The following TMEM50B variants were observed in gnomAD, a reference collection of about 807,000 sequenced individuals.
TMEM50B encodes the protein transmembrane protein 50B.
TMEM50B carries 14 observed loss-of-function variants against 23.4 expected under a neutral mutation model. The observed-to-expected ratio is 0.60, with a 90% CI of 0.39 to 0.93. The LOEUF (loss-of-function observed/expected upper bound fraction) is 0.93, where lower values mean the gene tolerates loss of function less well. Ranked by LOEUF, TMEM50B falls within the 40% of genes least tolerant of loss-of-function variation. TMEM50B has a pLI of 0.00. For missense variants in TMEM50B, 159 were observed against 193.0 expected (o/e 0.82, Z 1.04); for synonymous variants, 64 against 62.3 (o/e 1.03, Z -0.13).
At chr21:33,445,495 C>T (rs2084044827), downstream of TMEM50B, among the ~76,000 whole-genome samples, 1 of 152,270 alleles carries the variant, frequency 6.6e-6, no homozygotes, top group African/African-American at 2.4e-5. Context: ...AAGGAAACAT[C>T]CCTTCAAAAG....
At chr21:33,434,780 T>C (rs116816171) in intron 8 of TMEM50B, among the ~76,000 whole-genome samples, 39 of 152,266 alleles carry the variant, frequency 2.6e-4, no homozygotes, top group East Asian at 1.5e-3. Flanking sequence ...CTGGTTAATA[T>C]TGTCACAAAA....
At chr21:33,462,609 C>T (rs1339636430) in intron 4 of TMEM50B, among the ~76,000 whole-genome samples, 2 of 151,858 alleles carry the variant, frequency 1.3e-5, no homozygotes, top group Non-Finnish European at 2.9e-5. Flanking sequence ...GAGTTCAAGG[C>T]TTTTCTGCGT....
At chr21:33,455,586 G>A (rs2084161598) in intron 6 of TMEM50B, 141 bp downstream of exon 6, 1 of 724,994 alleles carries the variant, frequency 1.4e-6, no homozygotes, top group Non-Finnish European at 2.4e-6. Context: ...TTATGTAACA[G>A]TGGAATTCTC....
intron 6 of TMEM50B, among the ~76,000 whole-genome samples, chr21:33,454,011 C>T (rs979043107): frequency 2.1e-5 from 3 of 144,848 alleles, no homozygotes; most frequent in African/African-American, 7.7e-5. Context: ...GGCTGAGGCA[C>T]GGAATTGCTT....
At chr21:33,461,034 C>T (rs990977268) in intron 4 of TMEM50B, among the ~76,000 whole-genome samples, 2 of 152,196 alleles carry the variant, frequency 1.3e-5, no homozygotes, top group African/African-American at 4.8e-5. Context: ...TCAGAAGTAT[C>T]TCTTCAACCC....
At chr21:33,448,284 C>T (rs1434412965), downstream of TMEM50B, among the ~76,000 whole-genome samples, 3 of 152,058 alleles carry the variant, frequency 2.0e-5, no homozygotes, top group South Asian at 2.1e-4. Context: ...TGAGCCCCCA[C>T]GCCTGACCAC....
At chr21:33,472,421 C>T (rs1173647775) in intron 1 of TMEM50B, among the ~76,000 whole-genome samples, 2 of 151,898 alleles carry the variant, frequency 1.3e-5, no homozygotes, top group African/African-American at 4.8e-5. Context: ...TGAACTTAAT[C>T]GCAGATTAGA....
intron 7 of TMEM50B, among the ~76,000 whole-genome samples, chr21:33,441,569 T>C (rs573577497): frequency 1.2e-4 from 18 of 152,248 alleles, no homozygotes; most frequent in Admixed American, 7.2e-4. Context: ...GTGTTTGTTG[T>C]GTAAGGCGGT....
chr21:33,443,043 T>A (rs1340589530), intron 7 of TMEM50B, among the ~76,000 whole-genome samples: 1 of 152,184 alleles, frequency 6.6e-6, no homozygotes. Context: ...TTCAACTCGT[T>A]TCATTTCTAC....
intron 6 of TMEM50B, among the ~76,000 whole-genome samples, chr21:33,453,761 A>G (rs1050527116): frequency 3.3e-5 from 5 of 152,142 alleles, no homozygotes; most frequent in Admixed American, 6.6e-5. Flanking sequence ...ACAGAGGCAG[A>G]TAAAATTTTA....
At chr21:33,432,848 A>G in intron 8 of TMEM50B, 1 of 1,613,170 alleles carries the variant, frequency 6.2e-7, no homozygotes, top group Non-Finnish European at 8.5e-7. Context: ...CACTCCACCA[A>G]GCATCCCATT....
chr21:33,464,300 C>T lies in TMEM50B; in HGVS notation c.280+1042G>A, dbSNP rs1051194075. ...GCAACCTCTGCCTCCCGGGTTCAAG[C>T]GATTCTCTTGCCTCAGCCTCCCAAG... On this transcript the variant is annotated intron_variant, in intron 4 of 6. Transcript: ENST00000542230. Among the ~76,000 whole-genome samples the T allele has an allele frequency of 3.3e-5, 5 of 151,324 alleles. No homozygotes were observed. In the East Asian group the frequency reaches 5.9e-4, roughly 18 times the overall value.
intron 3 of TMEM50B, 108 bp downstream of exon 3, chr21:33,466,902 A>G (rs1205402366): frequency 7.4e-6 from 6 of 814,448 alleles, no homozygotes; most frequent in Non-Finnish European, 1.1e-5. Context: ...TCATGTTAAA[A>G]AATAGTCTAT....
chr21:33,466,908 T>C lies in TMEM50B; in HGVS notation c.212+102A>G, dbSNP rs184177228. ...ATGTATGTATCATGTTAAAAAATAG[T>C]CTATCAAATAAATTAAAAAGTTATT... On this transcript the variant is annotated intron_variant, in intron 3 of 6. Transcript: ENST00000542230. The C allele has an allele frequency of 4.3e-4, 358 of 832,112 alleles. 3 individuals are homozygous for C. In the East Asian group the frequency reaches 9.4e-3, roughly 22 times the overall value. 51.5% of individuals were successfully genotyped at this position (832,112 alleles called of 1,614,324 possible). A position where few individuals can be genotyped will look rare whatever the true frequency, so the allele number is the denominator to read the frequency against.
intron 5 of TMEM50B, among the ~76,000 whole-genome samples, chr21:33,459,475 G>A (rs968841011): frequency 2.0e-5 from 3 of 152,076 alleles, no homozygotes; most frequent in Non-Finnish European, 2.9e-5. Context: ...AGACCAGCCT[G>A]GCCAACATGG....
intron 8 of TMEM50B, among the ~76,000 whole-genome samples, chr21:33,434,536 A>C (rs944438164): frequency 1.3e-5 from 2 of 152,104 alleles, no homozygotes; most frequent in African/African-American, 2.4e-5. Context: ...AAATAAAATA[A>C]ATAAAAAGCA....
At chr21:33,452,748 T>G (rs1601114765) in intron 6 of TMEM50B, among the ~76,000 whole-genome samples, 1 of 152,080 alleles carries the variant, frequency 6.6e-6, no homozygotes, top group African/African-American at 2.4e-5. Flanking sequence ...AAAGATCCAG[T>G]CCCAACAAAT....
chr21:33,470,385 A>T (rs919518686), intron 1 of TMEM50B, among the ~76,000 whole-genome samples: 8 of 132,406 alleles, frequency 6.0e-5, no homozygotes, highest in Admixed American at 5.4e-4. Flanking sequence ...AGATTGTGCC[A>T]CTGCACTCTA....
chr21:33,457,565 C>T (rs1302072122), intron 5 of TMEM50B, among the ~76,000 whole-genome samples: 1 of 150,908 alleles, frequency 6.6e-6, no homozygotes, highest in African/African-American at 2.4e-5. Flanking sequence ...GCAGGAGAAT[C>T]GCTTGAACCC....
Sources: allele counts gnomAD v4.1 joint callset (sites outside exome capture counted in the v4.1 genomes callset), GRCh38; gene constraint gnomAD v4.1.1; transcripts MANE v1.5; gene names NCBI Gene and HGNC (gene_info 2026-07-23, HGNC 2026-07-21).